Variants in SLC9A3 observed in about 807,000 individuals in gnomAD.
The protein encoded by SLC9A3 is solute carrier family 9 member A3.
SLC9A3 carries 37 observed loss-of-function variants against 86.8 expected under a neutral mutation model. That is an observed-to-expected ratio of 0.43 (90% CI 0.33 to 0.56). SLC9A3 has a LOEUF of 0.56. SLC9A3 is among the 20% of genes least tolerant of loss of function. SLC9A3 has a pLI of 0.06. For synonymous variants in SLC9A3, 581 were observed against 528.3 expected (o/e 1.10, Z -1.37); for missense variants, 1,011 against 1,171.9 (o/e 0.86, Z 2.00).
chr5:472,679 C>A lies in SLC9A3; in HGVS notation c.*700G>T, dbSNP rs11551653. 3 of 510,220 alleles carry A rather than the reference C, an allele frequency of 5.9e-6. No individual in the cohort carries two copies. Among genetic ancestry groups the A allele is most frequent in the South Asian group, 4.6e-5 (3 of 64,972 alleles). 31.6% of individuals were successfully genotyped at this position (510,220 alleles called of 1,614,324 possible). On this transcript the variant is annotated 3_prime_UTR_variant, in exon 17 of 17. Transcript: ENST00000264938. Reference sequence around the variant, plus strand: ...ACGGAAGACGTTCCTGCCACTTTACCTGCAGTTCAAAGACCTGGCGAGGGC... The same window carrying A: ...ACGGAAGACGTTCCTGCCACTTTACATGCAGTTCAAAGACCTGGCGAGGGC...
At position 473,241 on chromosome 5, in the gene SLC9A3, G is replaced by GGAGTTC; in HGVS notation, c.*137_*138insGAACTC. ...CTCGGAGTTCTGCGCAGGCGCTGGCGTGGGCGAGGCGGGGCTCGGGGCTCG... is the reference window on the plus strand; with the variant it reads ...CTCGGAGTTCTGCGCAGGCGCTGGCGGAGTTCTGGGCGAGGCGGGGCTCGGGGCTCG... On this transcript the variant is annotated 3_prime_UTR_variant, in exon 17 of 17. Coordinates refer to ENST00000264938, the MANE Select transcript of SLC9A3 (RefSeq NM_004174.4). 2.0e-6 allele frequency: 2 copies of GGAGTTC among 984,900 alleles called. No individual in the cohort carries two copies. Among genetic ancestry groups the GGAGTTC allele is most frequent in the Non-Finnish European group, 2.6e-6 (2 of 758,400 alleles). 61.0% of individuals were successfully genotyped at this position (984,900 alleles called of 1,614,324 possible). A position where few individuals can be genotyped will look rare whatever the true frequency, so the allele number is the denominator to read the frequency against.
At chr5:523,190 T>A (rs1733935732) in intron 1 of SLC9A3, among the ~76,000 whole-genome samples, 1 of 152,090 alleles carries the variant, frequency 6.6e-6, no homozygotes, top group Admixed American at 6.5e-5. Context: ...CCTTCTCCAA[T>A]CAAGCCTGCT....
chr5:484,638 G>A lies in SLC9A3; in HGVS notation c.814C>T (p.Leu272=). The change falls in exon 5 of 17, where the codon CTG becomes TTG. Residue 272 remains leucine, a synonymous_variant. Transcript: ENST00000264938. The stretch of plus-strand genomic sequence containing the variant: ...TTGGTGAAGCGCGTCACCAGCGACA[G>A]CAGGAAGGCGAAGACCACCCCCACC... ...TLVGVVFAFL[L]SLVTRFTKHV... 1.2e-6 allele frequency: 2 copies of A among 1,613,206 alleles called. No individual in the cohort carries two copies. Among genetic ancestry groups the A allele is most frequent in the South Asian group, 1.1e-5 (1 of 91,086 alleles).
rs1738361298 is a variant in SLC9A3, at chr5:471,594, T to C, written c.*1785A>G. On this transcript the variant is annotated 3_prime_UTR_variant, in exon 17 of 17. Transcript: ENST00000264938. ...GGTGGCTGCAGCAGGGAACCAGGGC[T>C]GGCCTTGGATCTGTCCAGTAGGGTC... 1 of 360,032 alleles carries C rather than the reference T, an allele frequency of 2.8e-6. No individual in the cohort carries two copies. Among genetic ancestry groups the C allele is most frequent in the Admixed American group, 3.7e-5 (1 of 27,372 alleles). 22.3% of individuals were successfully genotyped at this position (360,032 alleles called of 1,614,324 possible).
rs543426204 is a variant in SLC9A3, at chr5:470,745, A to G, written c.*2634T>C. 112 of 152,466 alleles carry G rather than the reference A, an allele frequency of 7.3e-4. No individual in the cohort carries two copies. The highest frequency in any genetic ancestry group is 2.5e-3 in the African/African-American group (103 of 41,594). The allele number at this position is 152,466 out of a possible 1,614,324, so 9.4% of individuals were successfully genotyped here. On this transcript the variant is annotated 3_prime_UTR_variant, in exon 17 of 17. Coordinates refer to ENST00000264938, the MANE Select transcript of SLC9A3 (RefSeq NM_004174.4). ...TTCTTTGCTTTCACAATAGAAGATC[A>G]ATGGTACACAGTATATTGAACTCTG...
Position 475,610 on chromosome 5 carries a change from G to C in SLC9A3, c.2202C>G (p.Ile734Met). 1 of 1,552,678 alleles carries C rather than the reference G, an allele frequency of 6.4e-7. No individual in the cohort carries two copies. The highest frequency in any genetic ancestry group is 1.4e-5 in the African/African-American group (1 of 73,220). Residue 734 changes from isoleucine to methionine, a missense_variant, in exon 15 of 17, where the codon ATC becomes ATG. By Grantham distance (10) the Ile-to-Met change is conservative (BLOSUM62 1). Transcript: ENST00000264938. ...CCTTGGTGACACTAGCCAGGAACTC[G>C]ATCCCCCCACTCATCTCCTCATCAT... ...PNYDEEMSGGIEFLASVTKDT... is the reference protein window; with the variant it reads ...PNYDEEMSGGMEFLASVTKDT...
At chr5:504,807 C>T (rs1740472081) in intron 1 of SLC9A3, among the ~76,000 whole-genome samples, 1 of 152,216 alleles carries the variant, frequency 6.6e-6, no homozygotes, top group Admixed American at 6.5e-5. Flanking sequence ...GGGGGCCGGG[C>T]CAGAGGCTCA....
Position 522,393 on chromosome 5 carries a change from T to C in SLC9A3, c.211+1719A>G, listed in dbSNP as rs1230308748. Among the ~76,000 whole-genome samples the C allele has an allele frequency of 2.6e-5, 4 of 152,206 alleles. No homozygotes were observed. The South Asian group carries it at 6.2e-4, about 24-fold the overall frequency. ...GCTGGCTGGTGCCTGGCGGCTGTCA[T>C]TGGACCTTCAGATGCCAGATTCTGA... On this transcript the variant is annotated intron_variant, in intron 1 of 16. Coordinates refer to ENST00000264938, the MANE Select transcript of SLC9A3 (RefSeq NM_004174.4).
At chr5:504,956 C>T (rs970071260) in intron 1 of SLC9A3, among the ~76,000 whole-genome samples, 3 of 151,874 alleles carry the variant, frequency 2.0e-5, no homozygotes, top group Admixed American at 6.5e-5. Context: ...GCCACGTGGG[C>T]GCCACACAGA....
chr5:498,919 C>T (rs922213501), intron 1 of SLC9A3, among the ~76,000 whole-genome samples: 5 of 152,204 alleles, frequency 3.3e-5, no homozygotes, highest in Non-Finnish European at 5.9e-5. Flanking sequence ...ATGGCAGTTT[C>T]GCCCCAGCCA....
At chr5:506,871 G>T (rs1470890827) in intron 1 of SLC9A3, among the ~76,000 whole-genome samples, 1 of 143,956 alleles carries the variant, frequency 6.9e-6, no homozygotes, top group Non-Finnish European at 1.5e-5. Context: ...ATCGAGACCA[G>T]CCTGGCCAAT....
intron 16 of SLC9A3, among the ~76,000 whole-genome samples, chr5:473,958 C>T (rs980835887): frequency 6.6e-6 from 1 of 152,216 alleles, no homozygotes; most frequent in African/African-American, 2.4e-5. Context: ...TCGGAGCCAC[C>T]TAAAGGAAAT....
At chr5:521,457 G>A (rs184727600) in intron 1 of SLC9A3, among the ~76,000 whole-genome samples, 41 of 152,376 alleles carry the variant, frequency 2.7e-4, no homozygotes, top group Middle Eastern at 3.4e-3. Flanking sequence ...GTTACAAATG[G>A]CTTGAAGAAG....
In SLC9A3 at chr5:524,415, C is replaced by T. The variant is rs1733978649; in HGVS notation, c.-93G>A. 5.0e-6 allele frequency: 2 copies of T among 401,698 alleles called. No individual in the cohort carries two copies. Among genetic ancestry groups the T allele is most frequent in the African/African-American group, 2.1e-5 (1 of 46,576 alleles). 24.9% of individuals were successfully genotyped at this position (401,698 alleles called of 1,614,324 possible). A position where few individuals can be genotyped will look rare whatever the true frequency, so the allele number is the denominator to read the frequency against. Reference sequence around the variant, plus strand: ...CGCGGGGCTGGGACCCGGCGAGGACCCGGCGCGCTCCGGTGCCGGTACCGG... The same window carrying T: ...CGCGGGGCTGGGACCCGGCGAGGACTCGGCGCGCTCCGGTGCCGGTACCGG... On this transcript the variant is annotated 5_prime_UTR_variant, in exon 1 of 17. Transcript: ENST00000264938.
At chr5:504,051 G>A (rs948790872) in intron 1 of SLC9A3, among the ~76,000 whole-genome samples, 2 of 148,314 alleles carry the variant, frequency 1.3e-5, no homozygotes, top group Non-Finnish European at 1.5e-5. Context: ...TAGAAATTAT[G>A]AAACCGTCTT....
In SLC9A3 at chr5:507,208, G is replaced by A. The variant is rs529018568; in HGVS notation, c.212-15137C>T. 1.8e-3 allele frequency among the ~76,000 whole-genome samples: 89 copies of A among 48,536 alleles called. 2 individuals are homozygous for A. The highest frequency in any genetic ancestry group is 7.9e-3 in the African/African-American group (86 of 10,924). 31.8% of individuals were successfully genotyped at this position (48,536 alleles called of 152,430 possible). ...TTTTGAGACGGAGTCTGGCTCTGTT[G>A]CCCAGGCTGGAGTGCGGTGGCGCGA... On this transcript the variant is annotated intron_variant, in intron 1 of 16. Transcript: ENST00000264938.
chr5:504,447 G>A (rs1045426154), intron 1 of SLC9A3, among the ~76,000 whole-genome samples: 5 of 152,208 alleles, frequency 3.3e-5, no homozygotes, highest in Admixed American at 6.5e-5. Flanking sequence ...TGCAGGGGCC[G>A]TTGGATTTGG....
chr5:509,873 G>A (rs979195629), intron 1 of SLC9A3, among the ~76,000 whole-genome samples: 20 of 152,226 alleles, frequency 1.3e-4, no homozygotes, highest in African/African-American at 3.9e-4. Context: ...TTCCCGCGGC[G>A]CGAATCAAGC....
intron 1 of SLC9A3, among the ~76,000 whole-genome samples, chr5:499,277 G>A (rs779070071): frequency 5.1e-4 from 78 of 152,260 alleles, no homozygotes; most frequent in African/African-American, 1.1e-3. Context: ...CACAATGGAC[G>A]TTTGGGAGCC....
Sources: allele counts gnomAD v4.1 joint callset (sites outside exome capture counted in the v4.1 genomes callset), GRCh38; gene constraint gnomAD v4.1.1; transcripts MANE v1.5; gene names NCBI Gene and HGNC (gene_info 2026-07-23, HGNC 2026-07-21).